The following EXOC6B variants were observed in gnomAD, a reference collection of about 807,000 sequenced individuals.
The protein encoded by EXOC6B is exocyst complex component 6B.
A neutral mutation model predicts 113.5 loss-of-function variants in EXOC6B; 54 were observed. The ratio of observed to expected loss-of-function variants is 0.48; its 90% CI spans 0.38 to 0.60. EXOC6B has a LOEUF of 0.60. Ranked by LOEUF, EXOC6B falls within the 20% of genes least tolerant of loss-of-function variation. The probability of loss-of-function intolerance (pLI) is 0.00; values close to 1 mark genes in which losing one functional copy is unlikely to be tolerated. For missense variants in EXOC6B, 797 were observed against 977.5 expected, an observed-to-expected ratio of 0.82 and a Z score of 2.46; for synonymous variants, 357 against 339.0, an observed-to-expected ratio of 1.05 and a Z score of -0.58.
At chr2:72,499,678 G>A (rs576732882) in intron 12 of EXOC6B, among the ~76,000 whole-genome samples, 1 of 152,018 alleles carries the variant, frequency 6.6e-6, no homozygotes, top group African/African-American at 2.4e-5. Flanking sequence ...CAGGAATGTG[G>A]TACTGCTACT....
At chr2:72,421,450 C>A (rs1054285773) in intron 18 of EXOC6B, among the ~76,000 whole-genome samples, 9 of 152,064 alleles carry the variant, frequency 5.9e-5, no homozygotes, top group Non-Finnish European at 8.8e-5. Context: ...ATAAATTTCA[C>A]CTACTTTTAA....
chr2:72,575,974 A>T (rs1333828683), intron 6 of EXOC6B, among the ~76,000 whole-genome samples: 1 of 152,278 alleles, frequency 6.6e-6, no homozygotes, highest in Non-Finnish European at 1.5e-5. Context: ...CTTTTCAAAA[A>T]TATCCATTAA....
At chr2:72,711,797 T>C (rs141571282) in intron 6 of EXOC6B, among the ~76,000 whole-genome samples, 167 of 152,240 alleles carry the variant, frequency 1.1e-3, no homozygotes, top group African/African-American at 3.8e-3. Context: ...AACAGGTGGA[T>C]AGGGCAGGTA....
At chr2:72,571,282 G>C (rs1704495801) in intron 7 of EXOC6B, among the ~76,000 whole-genome samples, 1 of 152,064 alleles carries the variant, frequency 6.6e-6, no homozygotes, top group Admixed American at 6.5e-5. Flanking sequence ...GGGTATGGTG[G>C]CTCATGCCTG....
chr2:72,798,483 T>G (rs768821984), intron 1 of EXOC6B, among the ~76,000 whole-genome samples: 1 of 152,152 alleles, frequency 6.6e-6, no homozygotes, highest in Non-Finnish European at 1.5e-5. Context: ...AATAACTATG[T>G]GGAGACTCAA....
chr2:72,626,004 C>A (rs1672027900), intron 6 of EXOC6B, among the ~76,000 whole-genome samples: 1 of 152,152 alleles, frequency 6.6e-6, no homozygotes, highest in Non-Finnish European at 1.5e-5. Context: ...TACCCTCATT[C>A]AGAATTTAAC....
intron 6 of EXOC6B, among the ~76,000 whole-genome samples, chr2:72,692,952 T>A (rs2104596455): frequency 6.6e-6 from 1 of 152,290 alleles, no homozygotes; most frequent in East Asian, 1.9e-4. Flanking sequence ...AAAAACAGAT[T>A]ATCAACTCCC....
At chr2:72,647,373 A>G (rs1001018983) in intron 6 of EXOC6B, among the ~76,000 whole-genome samples, 1 of 152,226 alleles carries the variant, frequency 6.6e-6, no homozygotes, top group Non-Finnish European at 1.5e-5. Flanking sequence ...TACAGATTCA[A>G]TGCCATCCCC....
rs1553464077 is a variant in EXOC6B, at chr2:72,671,791, G to GAAAGAAAGAAAGAAAGAA, written c.669+46294_669+46311dup. On this transcript the variant is annotated intron_variant, in intron 6 of 21. Transcript: ENST00000272427. ...AGAAAGAAAGAAAGAAAGAAAGAAA[G>GAAAGAAAGAAAGAAAGAA]AAAGAAAGAAAGAAAGAAAGAAAGA... 2.0e-3 allele frequency among the ~76,000 whole-genome samples: 217 copies of GAAAGAAAGAAAGAAAGAA among 107,284 alleles called. 4 individuals are homozygous for GAAAGAAAGAAAGAAAGAA. Among genetic ancestry groups the GAAAGAAAGAAAGAAAGAA allele is most frequent in the African/African-American group, 8.3e-3 (195 of 23,432 alleles). 70.4% of individuals were successfully genotyped at this position (107,284 alleles called of 152,430 possible).
intron 18 of EXOC6B, among the ~76,000 whole-genome samples, chr2:72,428,125 G>C (rs115895753): frequency 6.6e-6 from 1 of 152,106 alleles, no homozygotes; most frequent in Non-Finnish European, 1.5e-5. Context: ...TCTTCCTCTT[G>C]GTCACCCATC....
chr2:72,394,956 A>G (rs1052391990), intron 18 of EXOC6B, among the ~76,000 whole-genome samples: 1 of 152,088 alleles, frequency 6.6e-6, no homozygotes, highest in Non-Finnish European at 1.5e-5. Flanking sequence ...CAGATCCCCA[A>G]TCCAAGGATG....
intron 19 of EXOC6B, among the ~76,000 whole-genome samples, chr2:72,343,097 A>T (rs903284430): frequency 3.9e-5 from 6 of 152,290 alleles, no homozygotes; most frequent in Non-Finnish European, 8.8e-5. Flanking sequence ...ATTTTAGATT[A>T]ATAATTTTTC....
chr2:72,274,922 T>G (rs986842538), intron 20 of EXOC6B, among the ~76,000 whole-genome samples: 7 of 152,140 alleles, frequency 4.6e-5, no homozygotes, highest in Admixed American at 3.9e-4. Flanking sequence ...TGGAATGATA[T>G]TACATAATTA....
intron 20 of EXOC6B, among the ~76,000 whole-genome samples, chr2:72,324,846 C>G (rs921183987): frequency 6.6e-6 from 1 of 151,890 alleles, no homozygotes; most frequent in Non-Finnish European, 1.5e-5. Flanking sequence ...CTTAATAGAC[C>G]GAGGCAGAAT....
At chr2:72,423,579 C>T (rs1453341868) in intron 18 of EXOC6B, among the ~76,000 whole-genome samples, 1 of 152,120 alleles carries the variant, frequency 6.6e-6, no homozygotes, top group African/African-American at 2.4e-5. Flanking sequence ...TTTATCTCTT[C>T]TTTTCCCAAC....
At chr2:72,446,034 C>A (rs1479692521) in intron 18 of EXOC6B, among the ~76,000 whole-genome samples, 5 of 152,158 alleles carry the variant, frequency 3.3e-5, no homozygotes, top group African/African-American at 7.2e-5. Context: ...AACGCTTATA[C>A]ACTGTTTTGG....
intron 1 of EXOC6B, among the ~76,000 whole-genome samples, chr2:72,786,818 T>C (rs184819193): frequency 2.0e-5 from 3 of 152,294 alleles, no homozygotes; most frequent in Admixed American, 1.3e-4. Context: ...ATCTTAAGTA[T>C]GCTTTTGTTG....
chr2:72,215,875 C>G (rs1286121502), intron 20 of EXOC6B, among the ~76,000 whole-genome samples: 1 of 152,076 alleles, frequency 6.6e-6, no homozygotes, highest in African/African-American at 2.4e-5. Flanking sequence ...TGCTTCTGTC[C>G]TTTCTCCATT....
intron 8 of EXOC6B, among the ~76,000 whole-genome samples, chr2:72,533,834 T>C (rs1376662294): frequency 1.3e-5 from 2 of 152,188 alleles, no homozygotes; most frequent in Non-Finnish European, 2.9e-5. Context: ...TTAGAAAAAG[T>C]CTTTGTCTTA....
Sources: allele counts gnomAD v4.1 joint callset (sites outside exome capture counted in the v4.1 genomes callset), GRCh38; gene constraint gnomAD v4.1.1; transcripts MANE v1.5; gene names NCBI Gene and HGNC (gene_info 2026-07-23, HGNC 2026-07-21).